The following RAPGEF1 variants were observed in gnomAD, a reference collection of about 807,000 sequenced individuals.
RAPGEF1 encodes Rap guanine nucleotide exchange factor 1.
RAPGEF1 carries 33 observed loss-of-function variants against 143.3 expected under a neutral mutation model. That is an observed-to-expected ratio of 0.23 (90% CI 0.17 to 0.31). The LOEUF (loss-of-function observed/expected upper bound fraction) is 0.31. Among genes scored for constraint, RAPGEF1 ranks in the 10% least tolerant of loss-of-function variants. The pLI, the probability that RAPGEF1 is intolerant of heterozygous loss-of-function variation, is 1.00. For synonymous variants in RAPGEF1, 629 were observed against 676.5 expected (o/e 0.93, Z 1.09); for missense variants, 1,199 against 1,645.4 (o/e 0.73, Z 4.69).
At chr9:131,601,871 C>T (rs1179838774) in intron 15 of RAPGEF1, among the ~76,000 whole-genome samples, 190 bp downstream of exon 15, 3 of 152,194 alleles carry the variant, frequency 2.0e-5, no homozygotes, top group Non-Finnish European at 4.4e-5. Flanking sequence ...TGTGCCACTG[C>T]ACTCCAGTCT....
At chr9:131,588,078 G>A (rs1953490069) in intron 20 of RAPGEF1, 52 bp from the exon 21 acceptor site, 1 of 1,491,220 alleles carries the variant, frequency 6.7e-7, no homozygotes, top group Non-Finnish European at 9.2e-7. Context: ...GGCCGGTGGG[G>A]AGGGCTGAGC....
At chr9:131,588,406 G>A (rs1239974124) in intron 20 of RAPGEF1, among the ~76,000 whole-genome samples, 1 of 152,198 alleles carries the variant, frequency 6.6e-6, no homozygotes, top group African/African-American at 2.4e-5. Context: ...GCGCTCACTG[G>A]AAGGAGCCCA....
rs1487984946 is a variant in RAPGEF1, at chr9:131,641,420, C to T, written c.494+1819G>A. On this transcript the variant is annotated intron_variant, in intron 4 of 26. Coordinates refer to ENST00000683357, the MANE Select transcript of RAPGEF1 (RefSeq NM_001377935.1). This position sits in a 1 kb window ranked among gnomAD's most constrained non-coding sequence, Gnocchi z 4.6. The stretch of plus-strand genomic sequence containing the variant: ...TCTCCTGCCCCCACTGCCAATCCAA[C>T]TGCTGCTTTCCCTCAGGTCGGGCTC... Among the ~76,000 whole-genome samples the T allele has an allele frequency of 6.6e-6, 1 of 152,216 alleles. No homozygotes were observed. Among genetic ancestry groups the T allele is most frequent in the Non-Finnish European group, 1.5e-5 (1 of 68,034 alleles).
chr9:131,626,330 G>C lies in RAPGEF1; in HGVS notation c.1294C>G (p.Pro432Ala), dbSNP rs770812291. 1 of 1,614,018 alleles carries C rather than the reference G, an allele frequency of 6.2e-7. No individual in the cohort carries two copies. The highest frequency in any genetic ancestry group is 8.5e-7 in the Non-Finnish European group (1 of 1,179,898). ...QQTAWNLSPL[P>A]ESLGESGSPF... ...GACCCAGACTCCCCCAAAGACTCTG[G>C]CAACGGGCTAAGGTTCCAGGCCGTC... Residue 432 changes from proline to alanine, a missense_variant, in exon 10 of 27, where the codon CCA becomes GCA. Physicochemically the swap from Pro to Ala is conservative, Grantham distance 27. Coordinates refer to ENST00000683357, the MANE Select transcript of RAPGEF1 (RefSeq NM_001377935.1).
intron 1 of RAPGEF1, among the ~76,000 whole-genome samples, chr9:131,654,713 A>G (rs1972003652): frequency 6.6e-6 from 1 of 152,198 alleles, no homozygotes; most frequent in Admixed American, 6.5e-5. Context: ...CTTGGGGGAC[A>G]AGTTCCCTGA....
intron 17 of RAPGEF1, among the ~76,000 whole-genome samples, chr9:131,593,786 A>AG (rs1282422575): frequency 6.6e-6 from 1 of 151,952 alleles, no homozygotes; most frequent in Non-Finnish European, 1.5e-5. Context: ...CCCCACACCC[A>AG]CCCAGTTCAC....
In RAPGEF1 at chr9:131,627,905, C is replaced by T. The variant is rs376076358; in HGVS notation, c.1201+8G>A. 1.5e-5 allele frequency: 24 copies of T among 1,574,414 alleles called. No individual in the cohort carries two copies. The highest frequency in any genetic ancestry group is 4.1e-5 in the African/African-American group (3 of 73,970). Reference sequence around the variant, plus strand: ...ACACGATGGAACAGGAGGATGGTGGCGGCTCACCTAGTGTTTCACAGCTTG... The same window carrying T: ...ACACGATGGAACAGGAGGATGGTGGTGGCTCACCTAGTGTTTCACAGCTTG... On this transcript the variant is annotated splice_region_variant and intron_variant, in intron 9 of 26. Transcript: ENST00000683357.
intron 12 of RAPGEF1, among the ~76,000 whole-genome samples, chr9:131,612,585 C>T (rs1255154864): frequency 2.6e-5 from 4 of 152,134 alleles, no homozygotes; most frequent in African/African-American, 4.8e-5. Flanking sequence ...GAGGTAACGC[C>T]GTCTCCTCCA....
chr9:131,702,249 T>C (rs1217905772), intron 1 of RAPGEF1, among the ~76,000 whole-genome samples: 1 of 152,218 alleles, frequency 6.6e-6, no homozygotes, highest in Non-Finnish European at 1.5e-5. Context: ...GTCTCTTTCA[T>C]GTGAAGAAAC....
At chr9:131,596,036 C>T (rs1242893404) in intron 17 of RAPGEF1, among the ~76,000 whole-genome samples, 1 of 152,158 alleles carries the variant, frequency 6.6e-6, no homozygotes, top group Admixed American at 6.5e-5. Context: ...GCTTAGTATG[C>T]GCTGAGCCCC....
At chr9:131,615,107 C>CT (rs1423248793) in intron 12 of RAPGEF1, among the ~76,000 whole-genome samples, 1 of 152,166 alleles carries the variant, frequency 6.6e-6, no homozygotes, top group Non-Finnish European at 1.5e-5. Flanking sequence ...GAGTCTTGCT[C>CT]TGTTGCCCAG....
At position 131,650,921 on chromosome 9, in the gene RAPGEF1, G is replaced by A; in HGVS notation, c.90C>T (p.Phe30=). Residue 30 remains phenylalanine, a synonymous_variant, in exon 2 of 27, where the codon TTC becomes TTT. Coordinates refer to ENST00000683357, the MANE Select transcript of RAPGEF1 (RefSeq NM_001377935.1). This position sits in a 1 kb window ranked among gnomAD's most constrained non-coding sequence, Gnocchi z 4.7. ...ADSQRSHLSS[F]TMKLMDKFHS... is the part of the protein sequence containing the mutation. ...GGAATTTGTCCATCAGCTTCATGGT[G>A]AAGGAAGAGAGATGAGAACGCTGAG... The A allele has an allele frequency of 6.2e-7, 1 of 1,613,932 alleles. No homozygotes were observed. The highest frequency in any genetic ancestry group is 8.5e-7 in the Non-Finnish European group (1 of 1,179,834).
chr9:131,630,142 T>G, intron 6 of RAPGEF1, 94 bp downstream of exon 6: 1 of 1,151,636 alleles, frequency 8.7e-7, no homozygotes. Context: ...CAGCCCACCC[T>G]CATGCTGCCC....
At chr9:131,731,895 G>A (rs1359199844) in intron 1 of RAPGEF1, among the ~76,000 whole-genome samples, 1 of 152,200 alleles carries the variant, frequency 6.6e-6, no homozygotes, top group African/African-American at 2.4e-5. Flanking sequence ...GTGGTGTTCC[G>A]GGAAGCAGCA....
chr9:131,727,308 T>C (rs1174338896), intron 1 of RAPGEF1, among the ~76,000 whole-genome samples: 1 of 152,200 alleles, frequency 6.6e-6, no homozygotes, highest in East Asian at 1.9e-4. Flanking sequence ...AGTGGGAATT[T>C]ACGGCTTGGC....
rs777492608 is a variant in RAPGEF1, at chr9:131,626,202, G to C, written c.1422C>G (p.Pro474=). 2.5e-6 allele frequency: 4 copies of C among 1,613,866 alleles called. No homozygotes were observed. The highest frequency in any genetic ancestry group is 1.1e-5 in the South Asian group (1 of 91,066). ...AGGCTGCGCTCCTGCGCTTCTTCTCGGGGAGAGCAGGTGGCGTATCTGTCT... is the reference window on the plus strand; with the variant it reads ...AGGCTGCGCTCCTGCGCTTCTTCTCCGGGAGAGCAGGTGGCGTATCTGTCT... ...GQQTDTPPAL[P]EKKRRSAASQ... is the part of the protein sequence containing the mutation. The change falls in exon 10 of 27, where the codon CCC becomes CCG. Residue 474 remains proline, a synonymous_variant. Coordinates refer to ENST00000683357, the MANE Select transcript of RAPGEF1 (RefSeq NM_001377935.1).
intron 1 of RAPGEF1, among the ~76,000 whole-genome samples, chr9:131,712,839 C>G (rs1360477170): frequency 2.0e-5 from 3 of 152,172 alleles, no homozygotes; most frequent in Non-Finnish European, 4.4e-5. Context: ...CCCAAAATAA[C>G]TCCAATGTGA....
intron 1 of RAPGEF1, chr9:131,725,110 T>C (rs1358920447): frequency 1.3e-5 from 2 of 152,112 alleles, no homozygotes; most frequent in African/African-American, 4.8e-5. Flanking sequence ...CTGTGGTAGG[T>C]AGGTATGTAC....
At chr9:131,634,810 T>A (rs1041032500) in intron 5 of RAPGEF1, among the ~76,000 whole-genome samples, 9 of 149,924 alleles carry the variant, frequency 6.0e-5, no homozygotes, top group Non-Finnish European at 1.0e-4. Context: ...GGTGCTCAAG[T>A]AACACAGTAA....
Sources: gnomAD v4.1 joint callset for allele counts (sites outside exome capture counted in the v4.1 genomes callset) on GRCh38, gnomAD v4.1.1 for gene constraint, Gnocchi (gnomAD v3.1) non-coding constraint, MANE v1.5 for transcripts, NCBI Gene and HGNC (gene_info 2026-07-23, HGNC 2026-07-21) for gene names.